Variants in PODXL2 observed in about 807,000 individuals in gnomAD.
The protein encoded by PODXL2 is podocalyxin like 2.
PODXL2 carries 17 observed loss-of-function variants against 53.4 expected under a neutral mutation model. That is an observed-to-expected ratio of 0.32 (90% CI 0.22 to 0.48). The LOEUF is 0.48. PODXL2 is among the 20% of genes least tolerant of loss of function. The pLI is 0.99. For missense variants in PODXL2, 673 were observed against 760.0 expected (o/e 0.89, Z 1.35); for synonymous variants, 311 against 306.7 (o/e 1.01, Z -0.15).
At chr3:127,642,291 G>GAAAAAAAAAAAAAA (rs201417926) in intron 2 of PODXL2, among the ~76,000 whole-genome samples, 2 of 77,242 alleles carry the variant, frequency 2.6e-5, no homozygotes, top group South Asian at 4.0e-4. Context: ...CTCCATCTCA[G>GAAAAAAAAAAAAAA]AAAAAAAAAA....
rs114349223 is a variant in PODXL2, at chr3:127,665,505, A to G, written c.1207-2936A>G. Among the ~76,000 whole-genome samples, 656 of 152,326 alleles carry G rather than the reference A, an allele frequency of 4.3e-3. 6 individuals are homozygous for G. Among genetic ancestry groups the G allele is most frequent in the African/African-American group, 0.015 (640 of 41,576 alleles). On this transcript the variant is annotated intron_variant, in intron 4 of 7. Coordinates refer to ENST00000342480, the MANE Select transcript of PODXL2 (RefSeq NM_015720.4). Reference sequence around the variant, plus strand: ...CATAGAAGAAACTGGAAAGAAGTCTAAGAAGGAAACATGAGAGGAGGAAGA... The same window carrying G: ...CATAGAAGAAACTGGAAAGAAGTCTGAGAAGGAAACATGAGAGGAGGAAGA...
chr3:127,656,025 G>A (rs561666822), intron 2 of PODXL2, among the ~76,000 whole-genome samples: 1 of 152,218 alleles, frequency 6.6e-6, no homozygotes, highest in Non-Finnish European at 1.5e-5. Flanking sequence ...GGAGGCAGAA[G>A]AATTCAAAAA....
chr3:127,661,265 G>A, intron 3 of PODXL2, 106 bp downstream of exon 3: 3 of 835,364 alleles, frequency 3.6e-6, no homozygotes, highest in Non-Finnish European at 5.6e-6. Context: ...GTTGAGGAGG[G>A]AGGCCCTTTC....
At chr3:127,652,864 A>G (rs775039984) in intron 2 of PODXL2, among the ~76,000 whole-genome samples, 1 of 152,116 alleles carries the variant, frequency 6.6e-6, no homozygotes, top group African/African-American at 2.4e-5. Flanking sequence ...TCCCTCTGGA[A>G]TCAGAGCTGT....
intron 6 of PODXL2, among the ~76,000 whole-genome samples, chr3:127,669,846 C>T (rs1172485945): frequency 6.6e-6 from 1 of 152,174 alleles, no homozygotes; most frequent in Non-Finnish European, 1.5e-5. Context: ...GCAGGGTCCC[C>T]CAGTCCTGCT....
rs2304551 is a variant in PODXL2, at chr3:127,669,307, A to G, written c.1425+105A>G. On this transcript the variant is annotated intron_variant, in intron 6 of 7. Coordinates refer to ENST00000342480, the MANE Select transcript of PODXL2 (RefSeq NM_015720.4). The stretch of plus-strand genomic sequence containing the variant: ...CCCACATCGTGAGGTTCAAAGGAGT[A>G]TAAGACAGAGCGTGCTCTGGGCAGG... The G allele has an allele frequency of 0.1, 79,280 of 771,802 alleles. 4,640 individuals carry two copies. Among genetic ancestry groups the G allele is most frequent in the Non-Finnish European group, 0.12 (54,081 of 465,016 alleles). 47.8% of individuals were successfully genotyped at this position (771,802 alleles called of 1,614,324 possible).
intron 6 of PODXL2, 37 bp from the exon 7 acceptor site, chr3:127,671,397 G>A (rs767905411): frequency 5.6e-6 from 9 of 1,601,008 alleles, no homozygotes; most frequent in Non-Finnish European, 7.7e-6. Context: ...GGCACCCCAG[G>A]ACCTCAGCTG....
rs116216272 is a variant in PODXL2, at chr3:127,633,911, C to T, written c.70+4622C>T. On this transcript the variant is annotated intron_variant, in intron 1 of 7. Transcript: ENST00000342480. Reference sequence around the variant, plus strand: ...GGGACAGGACAGAGATGGGGAGATACGGATGTTCAAGCAGAAGAGCATATG... The same window carrying T: ...GGGACAGGACAGAGATGGGGAGATATGGATGTTCAAGCAGAAGAGCATATG... Among the ~76,000 whole-genome samples, 448 of 151,286 alleles carry T rather than the reference C, an allele frequency of 3.0e-3. 3 individuals carry two copies. The highest frequency in any genetic ancestry group is 1.0e-2 in the African/African-American group (412 of 41,210).
intron 4 of PODXL2, among the ~76,000 whole-genome samples, chr3:127,663,411 CCTCTT>C (rs2074779277): frequency 6.6e-6 from 1 of 152,300 alleles, no homozygotes; most frequent in East Asian, 1.9e-4. Context: ...GCTCTTGTCT[CCTCTT>C]CTGTTTTGCT....
At chr3:127,646,584 C>G (rs2074658800) in intron 2 of PODXL2, among the ~76,000 whole-genome samples, 1 of 152,076 alleles carries the variant, frequency 6.6e-6, no homozygotes, top group Admixed American at 6.6e-5. Context: ...GACGGGGTTT[C>G]CCCATGTTGG....
rs2074695841 is a variant in PODXL2 at position 127,652,460 on chromosome 3, T to A, written c.350-7918T>A. On this transcript the variant is annotated intron_variant, in intron 2 of 7. Coordinates refer to ENST00000342480, the MANE Select transcript of PODXL2 (RefSeq NM_015720.4). Reference sequence around the variant, plus strand: ...TCCAGGAGGTCCTCCAGGGCTCTCCTGTGCAACGAGGGGGTCTGCCCCAGG... The same window carrying A: ...TCCAGGAGGTCCTCCAGGGCTCTCCAGTGCAACGAGGGGGTCTGCCCCAGG... Among the ~76,000 whole-genome samples the A allele has an allele frequency of 2.0e-5, 3 of 152,292 alleles. No individual in the cohort carries two copies. In the South Asian group the frequency reaches 6.2e-4, roughly 32 times the overall value.
chr3:127,630,094 G>T (rs1015907309), intron 1 of PODXL2, among the ~76,000 whole-genome samples: 5 of 152,182 alleles, frequency 3.3e-5, no homozygotes, highest in Admixed American at 6.5e-5. Context: ...ATGGCTTCCA[G>T]CGCAGACGGG....
At chr3:127,658,619 CTGATAT>C (rs967761414) in intron 2 of PODXL2, among the ~76,000 whole-genome samples, 1 of 152,116 alleles carries the variant, frequency 6.6e-6, no homozygotes, top group African/African-American at 2.4e-5. Flanking sequence ...CTCTAGGCTA[CTGATAT>C]TAATTAGAAG....
At chr3:127,656,149 A>G (rs940512392) in intron 2 of PODXL2, among the ~76,000 whole-genome samples, 1 of 152,216 alleles carries the variant, frequency 6.6e-6, no homozygotes, top group Admixed American at 6.5e-5. Flanking sequence ...AGTGAATCCT[A>G]TTTTATTCTT....
rs573406323 is a variant in PODXL2 at position 127,658,382 on chromosome 3, C to G, written c.350-1996C>G. On this transcript the variant is annotated intron_variant, in intron 2 of 7. Coordinates refer to ENST00000342480, the MANE Select transcript of PODXL2 (RefSeq NM_015720.4). ...TGAGATATATTTTCATTGCATTCCT[C>G]TCATGTTTCTTGATTTCCCATGTCT... Among the ~76,000 whole-genome samples the G allele has an allele frequency of 3.6e-5, 5 of 139,386 alleles. No homozygotes were observed. In the South Asian group the frequency reaches 1.2e-3, roughly 33 times the overall value. The allele number at this position is 139,386 out of a possible 152,430, so 91.4% of individuals were successfully genotyped here.
intron 2 of PODXL2, among the ~76,000 whole-genome samples, chr3:127,651,887 C>T (rs1335132863): frequency 6.6e-6 from 1 of 152,236 alleles, no homozygotes; most frequent in Non-Finnish European, 1.5e-5. Context: ...CAAGTGGCCA[C>T]CCAGAATTCC....
In PODXL2 at chr3:127,666,470, C is replaced by T. The variant is rs975684533; in HGVS notation, c.1207-1971C>T. Among the ~76,000 whole-genome samples the T allele has an allele frequency of 2.0e-5, 3 of 152,026 alleles. 1 individual carries two copies. The highest frequency in any genetic ancestry group is 7.2e-5 in the African/African-American group (3 of 41,384). The stretch of plus-strand genomic sequence containing the variant: ...TCACCCAGGCTGGAGTACAGTGGCA[C>T]AATGTCAGCTTACTGCAGCCTCAAC... On this transcript the variant is annotated intron_variant, in intron 4 of 7. Coordinates refer to ENST00000342480, the MANE Select transcript of PODXL2 (RefSeq NM_015720.4).
intron 2 of PODXL2, among the ~76,000 whole-genome samples, chr3:127,643,544 TCTTTA>T (rs1333665824): frequency 6.6e-6 from 1 of 152,134 alleles, no homozygotes; most frequent in Non-Finnish European, 1.5e-5. Flanking sequence ...TATGTGTTTT[TCTTTA>T]CTTTATGATT....
rs564949882 is a variant in PODXL2, at chr3:127,634,318, G to A, written c.71-4927G>A. On this transcript the variant is annotated intron_variant, in intron 1 of 7. Coordinates refer to ENST00000342480, the MANE Select transcript of PODXL2 (RefSeq NM_015720.4). ...CACATGCCTGTAATCCCTGCTACTCGGGAGGCTGAGGCAGGAGAATCGCTT... is the reference window on the plus strand; with the variant it reads ...CACATGCCTGTAATCCCTGCTACTCAGGAGGCTGAGGCAGGAGAATCGCTT... Among the ~76,000 whole-genome samples, 28 of 152,156 alleles carry A rather than the reference G, an allele frequency of 1.8e-4. No homozygotes were observed. In the East Asian group the frequency reaches 3.7e-3, roughly 20 times the overall value.
Sources: gnomAD v4.1 joint callset for allele counts (sites outside exome capture counted in the v4.1 genomes callset) on GRCh38, gnomAD v4.1.1 for gene constraint, MANE v1.5 for transcripts, NCBI Gene and HGNC (gene_info 2026-07-23, HGNC 2026-07-21) for gene names.